NUP210L: variants seen among roughly 807,000 people sequenced by gnomAD.
NUP210L encodes the protein nucleoporin 210 like, also known as nuclear pore membrane glycoprotein 210-like.
In NUP210L, 74 loss-of-function variants were observed where a neutral mutation model predicts 208.5. That is an observed-to-expected ratio of 0.35 (90% confidence interval 0.29 to 0.43). The LOEUF is 0.43. Ranked by LOEUF, NUP210L falls within the 20% of genes least tolerant of loss-of-function variation. NUP210L has a pLI of 1.00. For missense variants in NUP210L, 1,843 were observed against 2,289.4 expected (o/e 0.81, Z 3.98); for synonymous variants, 780 against 816.9 (o/e 0.95, Z 0.77).
chr1:154,016,777 C>CT (rs2147918807), intron 33 of NUP210L, among the ~76,000 whole-genome samples: 1 of 151,902 alleles, frequency 6.6e-6, no homozygotes, highest in South Asian at 2.1e-4. Context: ...AATGCCATCT[C>CT]TATCAAAAAT....
At chr1:154,124,144 G>C (rs1284677982) in intron 10 of NUP210L, among the ~76,000 whole-genome samples, 1 of 145,670 alleles carries the variant, frequency 6.9e-6, no homozygotes, top group African/African-American at 2.6e-5. Context: ...CTGAGATCGC[G>C]CCACTGCGCT....
At chr1:154,012,305 G>A in exon 34 of NUP210L, 1 of 1,612,366 alleles carries the variant, frequency 6.2e-7, no homozygotes, top group Non-Finnish European at 8.5e-7. Context: ...TTGAATTGAG[G>A]GTATTGGTGA....
At chr1:154,120,482 T>C (rs1318075543) in intron 10 of NUP210L, among the ~76,000 whole-genome samples, 2 of 150,772 alleles carry the variant, frequency 1.3e-5, no homozygotes, top group Non-Finnish European at 3.0e-5. Context: ...TGTCATGGGG[T>C]TGGGGGAGGG....
chr1:154,134,754 AGAT>A (rs1658443230), intron 7 of NUP210L, among the ~76,000 whole-genome samples: 1 of 143,932 alleles, frequency 6.9e-6, no homozygotes, highest in South Asian at 2.3e-4. Context: ...AAAAAAAAAA[AGAT>A]GGAGTTTTGC....
chr1:154,100,807 C>G (rs1039844214), intron 13 of NUP210L, among the ~76,000 whole-genome samples: 1 of 151,302 alleles, frequency 6.6e-6, no homozygotes, highest in Non-Finnish European at 1.5e-5. Flanking sequence ...CATGAGCCAC[C>G]GCACCCAGCC....
At chr1:154,104,021 G>A (rs945154564) in exon 13 of NUP210L, 1 of 1,610,618 alleles carries the variant, frequency 6.2e-7, no homozygotes, top group Non-Finnish European at 8.5e-7. Flanking sequence ...CCTTCTTTGA[G>A]AAGAGTAAAG....
chr1:154,141,646 GA>G, intron 3 of NUP210L, 122 bp from the exon 4 acceptor site: 1 of 642,594 alleles, frequency 1.6e-6, no homozygotes, highest in Non-Finnish European at 2.8e-6. Flanking sequence ...TTAAGAAATA[GA>G]AAGCACTATC....
chr1:154,074,017 G>GTT (rs58739231), intron 16 of NUP210L, among the ~76,000 whole-genome samples: 410 of 144,604 alleles, frequency 2.8e-3, no homozygotes, highest in African/African-American at 5.3e-3. Context: ...GTCCCCCTAA[G>GTT]TTTTTTTTTT....
intron 37 of NUP210L, among the ~76,000 whole-genome samples, chr1:153,998,732 A>G (rs927706659): frequency 1.1e-5 from 1 of 90,478 alleles, no homozygotes. Flanking sequence ...TTTTTTTTTA[A>G]TTCCTGAGAC....
intron 17 of NUP210L, among the ~76,000 whole-genome samples, chr1:154,064,707 A>C (rs1319054548): frequency 6.6e-6 from 1 of 152,206 alleles, no homozygotes; most frequent in African/African-American, 2.4e-5. Context: ...AGGACCTTAC[A>C]TGTAGCCTTT....
At chr1:154,114,397 C>T (rs1292631403) in intron 12 of NUP210L, among the ~76,000 whole-genome samples, 1 of 152,094 alleles carries the variant, frequency 6.6e-6, no homozygotes, top group Non-Finnish European at 1.5e-5. Context: ...GTGACATTTA[C>T]ATTACACAGG....
intron 16 of NUP210L, among the ~76,000 whole-genome samples, chr1:154,086,221 A>C (rs367866970): frequency 6.6e-6 from 1 of 151,664 alleles, no homozygotes; most frequent in Non-Finnish European, 1.5e-5. Context: ...CAAAAAAAAA[A>C]AAGAAAGAAA....
At chr1:154,050,772 T>C (rs1310014850) in intron 25 of NUP210L, among the ~76,000 whole-genome samples, 1 of 152,232 alleles carries the variant, frequency 6.6e-6, no homozygotes, top group Non-Finnish European at 1.5e-5. Context: ...ATTAACTAAT[T>C]GGATTCTCCC....
intron 27 of NUP210L, among the ~76,000 whole-genome samples, chr1:154,031,497 T>A (rs1652215837): frequency 6.6e-6 from 1 of 152,128 alleles, no homozygotes; most frequent in Non-Finnish European, 1.5e-5. Context: ...TATATTTTTG[T>A]ACTAATTAAG....
chr1:154,112,273 G>A (rs1215184483), intron 12 of NUP210L, among the ~76,000 whole-genome samples: 1 of 152,048 alleles, frequency 6.6e-6, no homozygotes, highest in Non-Finnish European at 1.5e-5. Flanking sequence ...AGACAGAGTT[G>A]CTCACTCCTG....
At chr1:154,059,227 A>G (rs1654019798) in intron 20 of NUP210L, among the ~76,000 whole-genome samples, 1 of 151,932 alleles carries the variant, frequency 6.6e-6, no homozygotes, top group African/African-American at 2.4e-5. Context: ...AGTCCCAGTT[A>G]CTCAGGAGGC....
chr1:154,000,004 A>G (rs1224184520), intron 37 of NUP210L, among the ~76,000 whole-genome samples: 6 of 150,488 alleles, frequency 4.0e-5, no homozygotes, highest in Admixed American at 4.0e-4. Flanking sequence ...TTTTTTTTGT[A>G]CTTTTTTGTT....
At position 154,057,968 on chromosome 1, in the gene NUP210L, T is replaced by A. The variant is rs1653957636; in HGVS notation, c.3107+121A>T. 5 of 1,092,232 alleles carry A rather than the reference T, an allele frequency of 4.6e-6. No individual in the cohort carries two copies. In the South Asian group the frequency reaches 7.4e-5, roughly 16 times the overall value. 67.7% of individuals were successfully genotyped at this position (1,092,232 alleles called of 1,614,324 possible). On this transcript the variant is annotated intron_variant, in intron 22 of 39. Coordinates refer to ENST00000368559, the Ensembl canonical transcript of NUP210L. ...AGAGCGTATGGGCTGAAATGTATTC[T>A]AACAGAAAAGGAATGGAGAAAATCT...
At chr1:154,025,744 C>A in intron 29 of NUP210L, 28 bp from the exon 30 acceptor site, 4 of 1,600,844 alleles carry the variant, frequency 2.5e-6, no homozygotes, top group Non-Finnish European at 3.4e-6. Flanking sequence ...GAAGTGGCAT[C>A]TTTTTGGGGT....
Sources: allele counts gnomAD v4.1 joint callset (sites outside exome capture counted in the v4.1 genomes callset), GRCh38; gene constraint gnomAD v4.1.1; transcripts MANE v1.5; gene names NCBI Gene and HGNC (gene_info 2026-07-23, HGNC 2026-07-21).